The following TP53BP2 variants were observed in gnomAD, a reference collection of about 807,000 sequenced individuals.
TP53BP2 encodes the protein apoptosis-stimulating of p53 protein 2.
Under a neutral mutation model 126.2 loss-of-function variants are expected in TP53BP2, and 62 were observed. The observed-to-expected ratio is 0.49, with a 90% CI of 0.40 to 0.61. The LOEUF (loss-of-function observed/expected upper bound fraction) is 0.61, where lower values mean the gene tolerates loss of function less well. Among genes scored for constraint, TP53BP2 ranks in the 20% least tolerant of loss-of-function variants. The pLI is 0.00. For synonymous variants in TP53BP2, 485 were observed against 502.9 expected (o/e 0.96, Z 0.48); for missense variants, 1,215 against 1,402.8 (o/e 0.87, Z 2.14).
chr1:223,815,385 C>A (rs935955266), intron 2 of TP53BP2, among the ~76,000 whole-genome samples: 6 of 152,138 alleles, frequency 3.9e-5, no homozygotes, highest in Admixed American at 3.3e-4. Flanking sequence ...TATTCTAAGA[C>A]CTCCCCCAAA....
At chr1:223,804,096 G>C in intron 6 of TP53BP2, 78 bp downstream of exon 6, 4 of 1,465,482 alleles carry the variant, frequency 2.7e-6, no homozygotes, top group Non-Finnish European at 3.7e-6. Flanking sequence ...ACCAGCCTGG[G>C]CAACACAGTA....
chr1:223,798,394 G>A lies in TP53BP2; in HGVS notation c.1769C>T (p.Pro590Leu), dbSNP rs757803297. 1.2e-6 allele frequency: 2 copies of A among 1,614,116 alleles called. No individual in the cohort carries two copies. The highest frequency in any genetic ancestry group is 1.7e-5 in the Admixed American group (1 of 60,010). ...GTCTTTGGAAGGCTGGGGAGTAAAG[G>A]GCCGGACGGCAGCAGCAGGTGGACT... ...QESPPAAAVRPFTPQPSKDTL... is the reference protein window; with the variant it reads ...QESPPAAAVRLFTPQPSKDTL... Residue 590 changes from proline (P) to leucine (L), a missense_variant, in exon 12 of 18, where the codon CCC becomes CTC. Pro to Leu is a moderately conservative substitution (Grantham distance 98). This residue lies in a region of TP53BP2 where 814 missense variants were observed against 853.0 expected (regional missense o/e 0.95). Transcript: ENST00000343537.
chr1:223,793,195 A>T, intron 14 of TP53BP2, 108 bp downstream of exon 14: 4 of 885,808 alleles, frequency 4.5e-6, no homozygotes, highest in Non-Finnish European at 6.3e-6. Flanking sequence ...TTAGAGCTTT[A>T]AAACAAAATA....
chr1:223,800,872 T>A, intron 9 of TP53BP2, 62 bp from the exon 10 acceptor site: 1 of 1,211,524 alleles, frequency 8.3e-7, no homozygotes, highest in Non-Finnish European at 1.2e-6. Flanking sequence ...TAATGATTTT[T>A]ACTGCTAAGA....
intron 15 of TP53BP2, 76 bp downstream of exon 15, chr1:223,792,313 C>T (rs1345461680): frequency 1.3e-6 from 2 of 1,488,108 alleles, no homozygotes; most frequent in African/African-American, 1.4e-5. Context: ...CTTTGTCTTC[C>T]AACAGCACTA....
In TP53BP2 at chr1:223,784,111, T is replaced by C. The variant is rs764613549; in HGVS notation, c.3363+4A>G. 6 of 1,613,930 alleles carry C rather than the reference T, an allele frequency of 3.7e-6. No homozygotes were observed. In the South Asian group the frequency reaches 6.6e-5, roughly 18 times the overall value. ...AAAACACCGTAAGCGTCAGAATAACTTACTCCCAGCAAGTTACGTGGAACA... is the reference window on the plus strand; with the variant it reads ...AAAACACCGTAAGCGTCAGAATAACCTACTCCCAGCAAGTTACGTGGAACA... On this transcript the variant is annotated splice_donor_region_variant and intron_variant, in intron 17 of 17. Transcript: ENST00000343537.
chr1:223,790,781 T>A (rs925976175), intron 15 of TP53BP2, among the ~76,000 whole-genome samples: 2 of 151,966 alleles, frequency 1.3e-5, no homozygotes, highest in Admixed American at 6.6e-5. Context: ...TTTTTAAAAA[T>A]TTTTTATAGA....
chr1:223,831,842 T>C (rs1435203898), intron 1 of TP53BP2, among the ~76,000 whole-genome samples: 1 of 151,166 alleles, frequency 6.6e-6, no homozygotes, highest in East Asian at 1.9e-4. Flanking sequence ...CAGTCATATC[T>C]AGATGAAGAT....
chr1:223,795,261 C>T (rs951826643), intron 13 of TP53BP2, among the ~76,000 whole-genome samples: 4 of 152,326 alleles, frequency 2.6e-5, no homozygotes, highest in African/African-American at 9.6e-5. Flanking sequence ...TTTCAGACTT[C>T]GTTGAAGGGG....
chr1:223,837,516 G>C (rs773550253), intron 1 of TP53BP2, among the ~76,000 whole-genome samples: 1 of 151,952 alleles, frequency 6.6e-6, no homozygotes, highest in Non-Finnish European at 1.5e-5. Context: ...TCACCCCTGG[G>C]GCTTCTGAGG....
Position 223,802,180 on chromosome 1 carries a change from T to C in TP53BP2, c.1161A>G (p.Ser387=). The C allele has an allele frequency of 6.2e-7, 1 of 1,614,210 alleles. No homozygotes were observed. Among genetic ancestry groups the C allele is most frequent in the African/African-American group, 1.3e-5 (1 of 75,052 alleles). The part of the protein sequence containing the change: ...LPDGSLVIQA[S]EGPMKIQTLP... ...GTGTCTGTATTTTCATCGGCCCCTC[T>C]GAAGCCTGAATGACCAAGGAACCAT... Residue 387 remains serine (S), a synonymous_variant, in exon 9 of 18, where the codon TCA becomes TCG. Coordinates refer to ENST00000343537, the MANE Select transcript of TP53BP2 (RefSeq NM_001031685.3).
chr1:223,796,790 T>A lies in TP53BP2; in HGVS notation c.1949-200A>T, dbSNP rs1662340868. ...TTTGCATAATAAACTTATTACAGAATCAAAACCCCCACTGATTGTAACATG... is the reference window on the plus strand; with the variant it reads ...TTTGCATAATAAACTTATTACAGAAACAAAACCCCCACTGATTGTAACATG... On this transcript the variant is annotated intron_variant, in intron 12 of 17. Coordinates refer to ENST00000343537, the MANE Select transcript of TP53BP2 (RefSeq NM_001031685.3). This position sits in a 1 kb window ranked among gnomAD's most constrained non-coding sequence, Gnocchi z 4.2. Among the ~76,000 whole-genome samples, 2 of 152,098 alleles carry A rather than the reference T, an allele frequency of 1.3e-5. 1 individual carries two copies. The highest frequency in any genetic ancestry group is 4.1e-4 in the South Asian group (2 of 4,830).
In TP53BP2 at chr1:223,802,146, T is replaced by C. The variant is rs34478344; in HGVS notation, c.1195A>G (p.Met399Val). ...GPMKIQTLPN[M>V]RSGAASQTKG... ...GTTTGTGAAGCAGCCCCAGATCTCA[T>C]GTTGGGCAGTGTCTGTATTTTCATC... Residue 399 changes from methionine (M) to valine (V), a missense_variant, in exon 9 of 18, where the codon ATG (methionine) becomes GTG (valine). By Grantham distance (21) the Met-to-Val change is conservative. Transcript: ENST00000343537. 2.9e-4 allele frequency: 473 copies of C among 1,614,026 alleles called. No individual in the cohort carries two copies. Among genetic ancestry groups the C allele is most frequent in the Non-Finnish European group, 3.8e-4 (444 of 1,180,012 alleles).
rs777490053 is a variant in TP53BP2 at position 223,793,389 on chromosome 1, T to C, written c.2776A>G (p.Met926Val). Residue 926 changes from methionine (M) to valine (V), a missense_variant, in exon 14 of 18, where the codon ATG becomes GTG. Met to Val is a conservative substitution (Grantham distance 21, BLOSUM62 1). This residue lies in a region of TP53BP2 where 204 missense variants were observed against 225.7 expected (regional missense o/e 0.90). Transcript: ENST00000343537. ...GCAAGGGGGTTGAATTTCACCCTCA[T>C]TCCATGAGCGATACGCTCTGAGCCA... ...KTGSERIAHG[M>V]RVKFNPLALL... The C allele has an allele frequency of 5.0e-6, 8 of 1,610,544 alleles. No individual in the cohort carries two copies. In the East Asian group the frequency reaches 1.8e-4, roughly 36 times the overall value.
chr1:223,806,201 A>G (rs1266574425), intron 5 of TP53BP2, among the ~76,000 whole-genome samples: 1 of 152,202 alleles, frequency 6.6e-6, no homozygotes, highest in Admixed American at 6.5e-5. Flanking sequence ...GAACTTTAAT[A>G]TTCCTCTTGC....
At chr1:223,822,057 C>G (rs1370930690) in intron 1 of TP53BP2, among the ~76,000 whole-genome samples, 1 of 151,834 alleles carries the variant, frequency 6.6e-6, no homozygotes, top group Non-Finnish European at 1.5e-5. Flanking sequence ...TCACACCACA[C>G]CACGCCATGC....
chr1:223,845,568 C>G (rs904060714), intron 1 of TP53BP2, 86 bp downstream of exon 1: 13 of 1,390,004 alleles, frequency 9.4e-6, no homozygotes, highest in Non-Finnish European at 1.2e-5. Context: ...GGCTCCTTCC[C>G]CGACGCGCCC....
Position 223,838,781 on chromosome 1 carries a change from C to A in TP53BP2, c.27+6873G>T, listed in dbSNP as rs1201080847. Among the ~76,000 whole-genome samples the A allele has an allele frequency of 3.9e-5, 6 of 152,312 alleles. No individual in the cohort carries two copies. In the South Asian group the frequency reaches 6.2e-4, roughly 16 times the overall value. On this transcript the variant is annotated intron_variant, in intron 1 of 17. Coordinates refer to ENST00000343537, the MANE Select transcript of TP53BP2 (RefSeq NM_001031685.3). ...TCATCTCAGGAAAGACTACTCAACA[C>A]CCCTCATACAAAAGCTAATTATCAC...
At chr1:223,834,104 A>G (rs796405808) in intron 1 of TP53BP2, among the ~76,000 whole-genome samples, 22 of 152,334 alleles carry the variant, frequency 1.4e-4, no homozygotes, top group African/African-American at 4.6e-4. Flanking sequence ...CACATCAGGA[A>G]TACAGACTTA....
Sources: allele counts gnomAD v4.1 joint callset (sites outside exome capture counted in the v4.1 genomes callset), GRCh38; gene constraint gnomAD v4.1.1; regional missense constraint gnomAD v4.1.1; non-coding constraint Gnocchi (gnomAD v3.1); transcripts MANE v1.5; gene names NCBI Gene and HGNC (gene_info 2026-07-23, HGNC 2026-07-21).